Variants in RAB38 observed in about 807,000 individuals in gnomAD.
RAB38 encodes the protein ras-related protein Rab-38.
In RAB38, 15 loss-of-function variants were observed where a neutral mutation model predicts 18.4. The ratio of observed to expected loss-of-function variants is 0.82; its 90% CI spans 0.55 to 1.26. RAB38 has a LOEUF of 1.26. RAB38 is among the 50% of genes most tolerant of loss of function. The pLI is 0.00. For synonymous variants in RAB38, 101 were observed against 104.4 expected (o/e 0.97, Z 0.20); for missense variants, 294 against 267.4 (o/e 1.10, Z -0.69).
intron 2 of RAB38, among the ~76,000 whole-genome samples, chr11:88,116,321 T>C (rs1162052532): frequency 1.3e-5 from 2 of 152,222 alleles, no homozygotes; most frequent in Admixed American, 6.5e-5. Flanking sequence ...TCACATCTCA[T>C]TAAAGAAGCC....
At chr11:87,809,273 A>C in the RAB38 span, among the ~76,000 whole-genome samples, 1 of 152,238 alleles carries the variant, frequency 6.6e-6, no homozygotes, top group East Asian at 1.9e-4. Context: ...AAGGATACAA[A>C]AGATTTGCCA....
At chr11:87,841,714 C>T in the RAB38 span, among the ~76,000 whole-genome samples, 12 of 152,036 alleles carry the variant, frequency 7.9e-5, no homozygotes, top group African/African-American at 2.9e-4. Context: ...CTGATCTGGA[C>T]GTGAAAAAAC....
the RAB38 span, among the ~76,000 whole-genome samples, chr11:87,914,634 C>A: frequency 6.6e-6 from 1 of 152,142 alleles, no homozygotes; most frequent in Non-Finnish European, 1.5e-5. Flanking sequence ...TCCAAGGGTG[C>A]AGTCAAGTGA....
the RAB38 span, among the ~76,000 whole-genome samples, chr11:87,939,228 C>T: frequency 6.6e-6 from 1 of 152,050 alleles, no homozygotes; most frequent in Non-Finnish European, 1.5e-5. Context: ...TCATTGGTGT[C>T]TCTTCAATTA....
At chr11:88,140,512 AG>A (rs1410434867) in intron 2 of RAB38, among the ~76,000 whole-genome samples, 2 of 152,364 alleles carry the variant, frequency 1.3e-5, no homozygotes, top group African/African-American at 4.8e-5. Flanking sequence ...GGTAATGACC[AG>A]GAGGATTCAC....
chr11:87,948,050 T>C, the RAB38 span, among the ~76,000 whole-genome samples: 1 of 152,226 alleles, frequency 6.6e-6, no homozygotes, highest in Non-Finnish European at 1.5e-5. Context: ...TTCCATTTGT[T>C]TGTATCCTCT....
At chr11:87,866,016 A>G in the RAB38 span, among the ~76,000 whole-genome samples, 10 of 151,846 alleles carry the variant, frequency 6.6e-5, no homozygotes, top group South Asian at 2.1e-4. Context: ...AATATTATCA[A>G]TTTTATAGAA....
At chr11:87,851,979 C>T in the RAB38 span, among the ~76,000 whole-genome samples, 6 of 152,194 alleles carry the variant, frequency 3.9e-5, no homozygotes, top group Admixed American at 3.9e-4. Flanking sequence ...CCTAAAGAAA[C>T]AGTTAAACTA....
intron 2 of RAB38, 104 bp from the exon 3 acceptor site, chr11:88,114,244 G>T: frequency 1.7e-6 from 2 of 1,184,218 alleles, no homozygotes; most frequent in Non-Finnish European, 2.4e-6. Flanking sequence ...CTTCCTATAT[G>T]CTACATATGC....
chr11:88,076,815 C>A, the RAB38 span, among the ~76,000 whole-genome samples: 3 of 147,922 alleles, frequency 2.0e-5, no homozygotes, highest in African/African-American at 7.4e-5. Context: ...AAAATTTAGC[C>A]GGGAGTGGTT....
intron 2 of RAB38, among the ~76,000 whole-genome samples, chr11:88,120,192 C>A (rs1942611861): frequency 6.6e-6 from 1 of 152,188 alleles, no homozygotes; most frequent in East Asian, 1.9e-4. Context: ...CACTTAATCA[C>A]CACAATAACT....
the RAB38 span, among the ~76,000 whole-genome samples, chr11:87,943,576 C>T: frequency 2.6e-5 from 4 of 152,020 alleles, no homozygotes; most frequent in South Asian, 8.3e-4. Flanking sequence ...GTGAAATACA[C>T]GTAATAATAA....
intron 1 of RAB38, chr11:88,165,457 TGACACTTA>T (rs1943235136): frequency 1.3e-5 from 2 of 152,148 alleles, no homozygotes; most frequent in African/African-American, 4.8e-5. Context: ...AAACTATGCC[TGACACTTA>T]ATAATTGGTG....
chr11:87,850,191 T>C, the RAB38 span, among the ~76,000 whole-genome samples: 2 of 152,126 alleles, frequency 1.3e-5, no homozygotes, highest in Non-Finnish European at 2.9e-5. Flanking sequence ...AAATAACCAT[T>C]ACTAAAGTAC....
At chr11:87,950,906 G>A in the RAB38 span, among the ~76,000 whole-genome samples, 25 of 152,238 alleles carry the variant, frequency 1.6e-4, no homozygotes, top group Non-Finnish European at 2.8e-4. Context: ...GGCATTCTCT[G>A]TATTTCCTGA....
chr11:87,954,700 G>A, the RAB38 span, among the ~76,000 whole-genome samples: 13 of 152,096 alleles, frequency 8.5e-5, no homozygotes, highest in African/African-American at 2.6e-4. Context: ...AGGTATAGGC[G>A]AGCCCGGGAG....
At chr11:87,949,534 T>A in the RAB38 span, among the ~76,000 whole-genome samples, 1 of 152,248 alleles carries the variant, frequency 6.6e-6, no homozygotes, top group East Asian at 1.9e-4. Context: ...TTTAGTGCTA[T>A]AAATATCCCT....
chr11:88,031,916 C>T, the RAB38 span, among the ~76,000 whole-genome samples: 1,523 of 151,268 alleles, frequency 0.01, 29 homozygotes, highest in African/African-American at 0.034. Context: ...GAGCCCGCAT[C>T]GCCAAGTCAA....
At chr11:87,977,411 A>C in the RAB38 span, among the ~76,000 whole-genome samples, 8 of 103,738 alleles carry the variant, frequency 7.7e-5, no homozygotes, top group Admixed American at 7.7e-4. Flanking sequence ...TTATATTATA[A>C]AATATAATTA....
Sources: allele counts gnomAD v4.1 joint callset (sites outside exome capture counted in the v4.1 genomes callset), GRCh38; gene constraint gnomAD v4.1.1; transcripts MANE v1.5; gene names NCBI Gene and HGNC (gene_info 2026-07-23, HGNC 2026-07-21).